PCDHGA2: variants seen among roughly 807,000 people sequenced by gnomAD.
PCDHGA2 encodes protocadherin gamma subfamily A, 2, also known as protocadherin gamma-A2.
Under a neutral mutation model 59.2 loss-of-function variants are expected in PCDHGA2, and 40 were observed. The ratio of observed to expected loss-of-function variants is 0.68; its 90% CI spans 0.52 to 0.88. The LOEUF (loss-of-function observed/expected upper bound fraction) is 0.88, where lower values mean the gene tolerates loss of function less well. Among genes scored for constraint, PCDHGA2 ranks in the 40% least tolerant of loss-of-function variants. The pLI is 0.00. For synonymous variants in PCDHGA2, 560 were observed against 526.0 expected, an observed-to-expected ratio of 1.06 and a Z score of -0.89; for missense variants, 1,226 against 1,204.0, an observed-to-expected ratio of 1.02 and a Z score of -0.27.
chr5:141,462,375 T>G (rs2099038282), intron 1 of PCDHGA2, among the ~76,000 whole-genome samples: 1 of 152,252 alleles, frequency 6.6e-6, no homozygotes, highest in Non-Finnish European at 1.5e-5. Context: ...TTCTATTCTT[T>G]TAAATTCGTT....
Position 141,489,454 on chromosome 5 carries a change from G to C in PCDHGA2, c.2425-5353G>C, listed in dbSNP as rs1177748773. 1 of 1,613,940 alleles carries C rather than the reference G, an allele frequency of 6.2e-7. No homozygotes were observed. The highest frequency in any genetic ancestry group is 1.3e-5 in the African/African-American group (1 of 74,906). On this transcript the variant is annotated intron_variant, in intron 1 of 3. Transcript: ENST00000394576. This position sits in a 1 kb window ranked among gnomAD's most constrained non-coding sequence, Gnocchi z 4.5. ...GCTGCAATTGGGCTCTGAGGAGAAT[G>C]GGCGCTATTTTTCCCTGAGCTTGAT...
chr5:141,359,782 C>A (rs1040736490), intron 1 of PCDHGA2, among the ~76,000 whole-genome samples: 1 of 152,116 alleles, frequency 6.6e-6, no homozygotes, highest in Non-Finnish European at 1.5e-5. Context: ...AGAACCTATG[C>A]TGAATGCATC....
chr5:141,383,807 C>T, intron 1 of PCDHGA2: 7 of 1,613,926 alleles, frequency 4.3e-6, no homozygotes, highest in Non-Finnish European at 5.9e-6. Flanking sequence ...GAAATATCAA[C>T]TTTAGAAGGA....
chr5:141,433,587 G>A (rs1228017153), intron 1 of PCDHGA2, among the ~76,000 whole-genome samples: 1 of 152,068 alleles, frequency 6.6e-6, no homozygotes, highest in African/African-American at 2.4e-5. Flanking sequence ...TGTAATCCCA[G>A]TACTTTGGGA....
intron 1 of PCDHGA2, chr5:141,394,481 T>G (rs766569646): frequency 6.2e-7 from 1 of 1,614,206 alleles, no homozygotes; most frequent in African/African-American, 1.3e-5. Flanking sequence ...TGGACCAGAA[T>G]GACAACGCGC....
intron 1 of PCDHGA2, chr5:141,392,710 C>T: frequency 7.4e-7 from 1 of 1,345,380 alleles, no homozygotes; most frequent in Non-Finnish European, 9.8e-7. Flanking sequence ...TGGAGGCACT[C>T]CAGGTTTCCG....
intron 1 of PCDHGA2, among the ~76,000 whole-genome samples, chr5:141,488,497 C>CA (rs1415483796): frequency 4.6e-5 from 7 of 152,204 alleles, no homozygotes; most frequent in African/African-American, 1.7e-4. Flanking sequence ...CTGTAACACT[C>CA]ATTCCACATT....
At chr5:141,351,804 C>A (rs752529043) in intron 1 of PCDHGA2, 1 of 1,613,328 alleles carries the variant, frequency 6.2e-7, no homozygotes, top group South Asian at 1.1e-5. Flanking sequence ...GCGCAGCGCG[C>A]CTTCGACCAC....
At chr5:141,506,680 A>G (rs949777571) in intron 3 of PCDHGA2, among the ~76,000 whole-genome samples, 1 of 152,212 alleles carries the variant, frequency 6.6e-6, no homozygotes, top group Non-Finnish European at 1.5e-5. Context: ...ATATATTATT[A>G]TCTTTGCTGA....
intron 1 of PCDHGA2, chr5:141,388,133 G>C: frequency 6.9e-7 from 1 of 1,450,894 alleles, no homozygotes. Flanking sequence ...AGAGCGGGGA[G>C]TTGCTTGTGA....
chr5:141,364,207 C>A, intron 1 of PCDHGA2: 1 of 1,184,312 alleles, frequency 8.4e-7, no homozygotes, highest in Non-Finnish European at 1.2e-6. Context: ...ACCAGACAAG[C>A]TCCTACGAAA....
chr5:141,492,829 C>T (rs2099744241), intron 1 of PCDHGA2, among the ~76,000 whole-genome samples: 1 of 152,232 alleles, frequency 6.6e-6, no homozygotes, highest in Non-Finnish European at 1.5e-5. Context: ...CGGCCCCTTC[C>T]TCCCGCAGGA....
intron 1 of PCDHGA2, among the ~76,000 whole-genome samples, chr5:141,362,829 T>A (rs1211697961): frequency 6.6e-6 from 1 of 152,260 alleles, no homozygotes. Flanking sequence ...GATTTGTTGC[T>A]ATTGAGACTT....
intron 1 of PCDHGA2, chr5:141,426,945 A>G: frequency 8.8e-6 from 4 of 456,724 alleles, no homozygotes; most frequent in Non-Finnish European, 1.8e-5. Context: ...CCCAGTCCCA[A>G]CTGGCACTGC....
At chr5:141,500,370 G>C (rs766183384) in intron 2 of PCDHGA2, among the ~76,000 whole-genome samples, 1 of 151,644 alleles carries the variant, frequency 6.6e-6, no homozygotes, top group Non-Finnish European at 1.5e-5. Flanking sequence ...TACCACGCCC[G>C]GCTAATTATT....
chr5:141,403,069 A>T (rs747569947), intron 1 of PCDHGA2: 10 of 1,613,954 alleles, frequency 6.2e-6, no homozygotes, highest in Non-Finnish European at 7.6e-6. Context: ...CTGAAGAGAC[A>T]GAAAAGGGCT....
intron 1 of PCDHGA2, chr5:141,404,057 T>C (rs558471539): frequency 1.2e-5 from 19 of 1,613,894 alleles, no homozygotes; most frequent in Non-Finnish European, 1.4e-5. Context: ...AATTCTTCTT[T>C]TCAATGCTCA....
At chr5:141,397,871 C>G (rs2093579938) in intron 1 of PCDHGA2, 6 of 574,628 alleles carry the variant, frequency 1.0e-5, no homozygotes, top group Non-Finnish European at 1.8e-5. Flanking sequence ...AGTGCTGACT[C>G]TGGGCGCCGC....
intron 1 of PCDHGA2, chr5:141,371,062 G>T: frequency 6.2e-7 from 1 of 1,613,974 alleles, no homozygotes; most frequent in Non-Finnish European, 8.5e-7. Context: ...CCCTCCAGAA[G>T]CTGTACCACC....
Sources: gnomAD v4.1 joint callset for allele counts (sites outside exome capture counted in the v4.1 genomes callset) on GRCh38, gnomAD v4.1.1 for gene constraint, Gnocchi (gnomAD v3.1) non-coding constraint, MANE v1.5 for transcripts, NCBI Gene and HGNC (gene_info 2026-07-23, HGNC 2026-07-21) for gene names.